GRIK2: variants seen among roughly 807,000 people sequenced by gnomAD.
The protein encoded by GRIK2 is glutamate ionotropic receptor kainate type subunit 2, also known as glutamate receptor ionotropic, kainate 2.
A neutral mutation model predicts 100.3 loss-of-function variants in GRIK2; 32 were observed. That is an observed-to-expected ratio of 0.32 (90% confidence interval 0.24 to 0.43). The LOEUF (loss-of-function observed/expected upper bound fraction) is 0.43, where lower values mean the gene tolerates loss of function less well. Ranked by LOEUF, GRIK2 falls within the 20% of genes least tolerant of loss-of-function variation. The pLI is 1.00. For missense variants in GRIK2, 843 were observed against 1,114.9 expected, an observed-to-expected ratio of 0.76 and a Z score of 3.47; for synonymous variants, 417 against 389.4, an observed-to-expected ratio of 1.07 and a Z score of -0.83.
intron 2 of GRIK2, among the ~76,000 whole-genome samples, chr6:101,545,685 CTT>C (rs1460976686): frequency 1.3e-5 from 2 of 152,018 alleles, no homozygotes; most frequent in East Asian, 3.9e-4. Flanking sequence ...ATACAAGCAA[CTT>C]TTTACTAGGC....
chr6:101,434,774 C>T (rs550053667), intron 2 of GRIK2, among the ~76,000 whole-genome samples: 6 of 152,222 alleles, frequency 3.9e-5, no homozygotes, highest in Middle Eastern at 3.4e-3. Flanking sequence ...TGAGGTGAGA[C>T]ATGTCAGTGG....
chr6:101,813,305 T>C (rs911745082), intron 9 of GRIK2, among the ~76,000 whole-genome samples: 1 of 152,086 alleles, frequency 6.6e-6, no homozygotes, highest in Admixed American at 6.6e-5. Flanking sequence ...TAGAGAAAAA[T>C]GAATAAAACT....
intron 4 of GRIK2, among the ~76,000 whole-genome samples, chr6:101,639,944 TC>T (rs1781208695): frequency 6.6e-6 from 1 of 152,188 alleles, no homozygotes; most frequent in African/African-American, 2.4e-5. Context: ...CAAACAGAAT[TC>T]TGACTAACAA....
chr6:101,676,990 T>G (rs1770889253), intron 5 of GRIK2, among the ~76,000 whole-genome samples, 186 bp downstream of exon 5: 1 of 152,164 alleles, frequency 6.6e-6, no homozygotes, highest in Admixed American at 6.5e-5. Context: ...TAAACATTGA[T>G]GATCTTCAAA....
intron 14 of GRIK2, among the ~76,000 whole-genome samples, chr6:101,966,765 C>A (rs1792700997): frequency 6.6e-6 from 1 of 152,048 alleles, no homozygotes; most frequent in African/African-American, 2.4e-5. Flanking sequence ...CAAAACTGAG[C>A]AAACTGGGAA....
chr6:101,756,695 G>A (rs1777159267), intron 7 of GRIK2, among the ~76,000 whole-genome samples: 1 of 152,100 alleles, frequency 6.6e-6, no homozygotes, highest in African/African-American at 2.4e-5. Context: ...TTCTTTAAAT[G>A]ACCATTTGAA....
At chr6:101,758,785 T>C (rs1777299915) in intron 7 of GRIK2, among the ~76,000 whole-genome samples, 1 of 152,216 alleles carries the variant, frequency 6.6e-6, no homozygotes, top group South Asian at 2.1e-4. Context: ...ATCATTCTTT[T>C]TTTGAAAAGC....
intron 5 of GRIK2, 41 bp from the exon 6 acceptor site, chr6:101,682,512 T>C (rs1378384398): frequency 2.3e-6 from 2 of 863,090 alleles, no homozygotes; most frequent in East Asian, 4.9e-5. Flanking sequence ...ATACTGTCTT[T>C]CCTGAAATAT....
chr6:101,994,060 A>G (rs1794526681), intron 14 of GRIK2, among the ~76,000 whole-genome samples: 1 of 149,248 alleles, frequency 6.7e-6, no homozygotes, highest in East Asian at 2.0e-4. Flanking sequence ...AATATACATT[A>G]TATACAAATA....
intron 11 of GRIK2, among the ~76,000 whole-genome samples, chr6:101,865,030 G>A (rs995518158): frequency 6.6e-6 from 1 of 151,960 alleles, no homozygotes; most frequent in Non-Finnish European, 1.5e-5. Flanking sequence ...AGAGTGCATC[G>A]GGCAATAAAT....
intron 14 of GRIK2, among the ~76,000 whole-genome samples, chr6:101,935,120 T>C (rs1204930426): frequency 9.2e-5 from 14 of 152,098 alleles, no homozygotes; most frequent in African/African-American, 2.2e-4. Context: ...AGTTTGCACA[T>C]GTTTACTATT....
At chr6:101,932,436 A>T (rs116350279) in intron 14 of GRIK2, among the ~76,000 whole-genome samples, 2,104 of 151,576 alleles carry the variant, frequency 0.014, 63 homozygotes, top group African/African-American at 0.048. Context: ...ATCCCCATCC[A>T]CCTCTACCAA....
intron 2 of GRIK2, among the ~76,000 whole-genome samples, chr6:101,455,611 C>T (rs141408537): frequency 3.8e-4 from 57 of 151,836 alleles, no homozygotes; most frequent in Middle Eastern, 3.4e-3. Context: ...GTGACTATTT[C>T]GGGGAGTCCT....
At chr6:101,595,718 G>GTATATATATATATATATATA (rs370175425) in intron 2 of GRIK2, among the ~76,000 whole-genome samples, 1 of 122,328 alleles carries the variant, frequency 8.2e-6, no homozygotes, top group African/African-American at 3.2e-5. Flanking sequence ...GTGTGTGTGT[G>GTATATATATATATATATATA]TATATATATA....
At chr6:101,907,934 G>T (rs1450132494) in intron 12 of GRIK2, among the ~76,000 whole-genome samples, 1 of 151,258 alleles carries the variant, frequency 6.6e-6, no homozygotes, top group African/African-American at 2.4e-5. Flanking sequence ...AGGGTCTTTG[G>T]AATTTTCTTC....
intron 10 of GRIK2, among the ~76,000 whole-genome samples, chr6:101,843,188 T>A (rs1290866865): frequency 6.6e-6 from 1 of 152,164 alleles, no homozygotes; most frequent in African/African-American, 2.4e-5. Flanking sequence ...GGTAGATGCT[T>A]TAAAACAATT....
At chr6:101,888,814 A>C (rs1049237739) in intron 11 of GRIK2, among the ~76,000 whole-genome samples, 11 of 152,196 alleles carry the variant, frequency 7.2e-5, no homozygotes, top group African/African-American at 2.4e-4. Context: ...TAATAAAATG[A>C]ATGTAGCAAT....
chr6:102,010,745 C>G (rs1795492149), intron 14 of GRIK2, among the ~76,000 whole-genome samples: 1 of 151,642 alleles, frequency 6.6e-6, no homozygotes, highest in Non-Finnish European at 1.5e-5. Context: ...ATAGTTTTGC[C>G]TTTTCCAGAA....
chr6:101,544,626 T>C (rs1776150621), intron 2 of GRIK2, among the ~76,000 whole-genome samples: 1 of 152,218 alleles, frequency 6.6e-6, no homozygotes, highest in Non-Finnish European at 1.5e-5. Context: ...TTCTTTATGC[T>C]ATGTCTAAGT....
Sources: gnomAD v4.1 joint callset for allele counts (sites outside exome capture counted in the v4.1 genomes callset) on GRCh38, gnomAD v4.1.1 for gene constraint, MANE v1.5 for transcripts, NCBI Gene and HGNC (gene_info 2026-07-23, HGNC 2026-07-21) for gene names.